RESF1: variants seen among roughly 807,000 people sequenced by gnomAD.
RESF1 encodes the protein retroelement silencing factor 1.
RESF1 carries 65 observed loss-of-function variants against 134.7 expected under a neutral mutation model. The ratio of observed to expected loss-of-function variants is 0.48; its 90% confidence interval spans 0.40 to 0.59. The LOEUF (loss-of-function observed/expected upper bound fraction) is 0.59, where lower values mean the gene tolerates loss of function less well. Ranked by LOEUF, RESF1 falls within the 20% of genes least tolerant of loss-of-function variation. RESF1 has a pLI of 0.00. For synonymous variants in RESF1, 762 were observed against 702.2 expected, an observed-to-expected ratio of 1.09 and a Z score of -1.35; for missense variants, 2,274 against 2,002.7, an observed-to-expected ratio of 1.14 and a Z score of -2.59.
Position 31,984,312 on chromosome 12 carries a change from T to C in RESF1, c.3357T>C (p.Pro1119=). The C allele has an allele frequency of 1.2e-6, 2 of 1,613,708 alleles. No homozygotes were observed. The highest frequency in any genetic ancestry group is 1.7e-6 in the Non-Finnish European group (2 of 1,179,886). The change falls in exon 4 of 6, where the codon CCT becomes CCC. Residue 1119 remains proline, a synonymous_variant. Coordinates refer to ENST00000312561, the MANE Select transcript of RESF1 (RefSeq NM_018169.4). Reference sequence around the variant, plus strand: ...CAGAGCAAATGAAAGAAATATTTCCTGAACAGGATGATCAACCCTATGTAG... The same window carrying C: ...CAGAGCAAATGAAAGAAATATTTCCCGAACAGGATGATCAACCCTATGTAG... The part of the protein sequence containing the change: ...LSSEQMKEIF[P]EQDDQPYVVD...
intron 3 of RESF1, among the ~76,000 whole-genome samples, chr12:31,973,619 C>G (rs1939562705): frequency 6.6e-6 from 1 of 151,952 alleles, no homozygotes; most frequent in Non-Finnish European, 1.5e-5. Flanking sequence ...TTAGGTCGTT[C>G]CGGAGTGCTT....
At chr12:31,991,702 A>G (rs1025910805) in intron 5 of RESF1, among the ~76,000 whole-genome samples, 1 of 152,128 alleles carries the variant, frequency 6.6e-6, no homozygotes, top group Non-Finnish European at 1.5e-5. Context: ...GCTCACTGCA[A>G]CCTCTGCCCA....
chr12:31,988,002 T>G (rs1419781925), intron 5 of RESF1, among the ~76,000 whole-genome samples: 1 of 152,200 alleles, frequency 6.6e-6, no homozygotes, highest in Admixed American at 6.5e-5. Flanking sequence ...CCCAAAGTGC[T>G]GGGATTACAG....
In RESF1 at chr12:31,985,292, C is replaced by T. The variant is rs766779126; in HGVS notation, c.4337C>T (p.Pro1446Leu). The T allele has an allele frequency of 5.0e-6, 8 of 1,613,082 alleles. No homozygotes were observed. The highest frequency in any genetic ancestry group is 3.3e-4 in the Middle Eastern group (2 of 6,060). Residue 1446 changes from proline to leucine, a missense_variant, in exon 4 of 6, where the codon CCT becomes CTT. By Grantham distance (98) the Pro-to-Leu change is moderately conservative. Transcript: ENST00000312561. ...TCTAAATTTAGTAGAATTCTAACTC[C>T]TAAGGAGTATTTACAAAGGCAGAAG... ...SSSKFSRILT[P>L]KEYLQRQKHK...
intron 5 of RESF1, among the ~76,000 whole-genome samples, chr12:31,990,741 A>G (rs911526184): frequency 6.6e-6 from 1 of 152,204 alleles, no homozygotes; most frequent in Non-Finnish European, 1.5e-5. Flanking sequence ...GCCCGGCCAC[A>G]TGGGCATTTT....
chr12:31,990,361 A>G (rs1189374537), intron 5 of RESF1, among the ~76,000 whole-genome samples: 1 of 152,248 alleles, frequency 6.6e-6, no homozygotes, highest in African/African-American at 2.4e-5. Flanking sequence ...TCATGGCACA[A>G]CAAGACGCAA....
intron 2 of RESF1, among the ~76,000 whole-genome samples, chr12:31,966,731 T>G (rs1939404980): frequency 6.6e-6 from 1 of 152,216 alleles, no homozygotes; most frequent in African/African-American, 2.4e-5. Context: ...ACAATAGGTG[T>G]GATCATCCTG....
intron 3 of RESF1, among the ~76,000 whole-genome samples, chr12:31,980,581 T>A (rs890609841): frequency 2.6e-5 from 4 of 152,218 alleles, no homozygotes; most frequent in Non-Finnish European, 5.9e-5. Flanking sequence ...GCAGTTAGCA[T>A]GGATTACTTA....
intron 2 of RESF1, among the ~76,000 whole-genome samples, chr12:31,965,324 G>A (rs1939374680): frequency 6.6e-6 from 1 of 152,134 alleles, no homozygotes; most frequent in Non-Finnish European, 1.5e-5. Context: ...GAAAATGAAA[G>A]TACCTCTGAT....
At chr12:31,970,830 C>A (rs60621438) in intron 3 of RESF1, among the ~76,000 whole-genome samples, 190 of 152,234 alleles carry the variant, frequency 1.2e-3, no homozygotes, top group African/African-American at 4.5e-3. Context: ...TATCCTCCAA[C>A]GAAAAAAGAC....
intron 2 of RESF1, among the ~76,000 whole-genome samples, chr12:31,962,889 G>C (rs1426176072): frequency 6.6e-6 from 1 of 150,954 alleles, no homozygotes; most frequent in Non-Finnish European, 1.5e-5. Flanking sequence ...CCTGAGGTCA[G>C]GAGTTGGAGA....
rs970871599 is a variant in RESF1, at chr12:31,964,169, GTAGGTTTGGGGGTACGTGTA to G, written c.-247+3304_-247+3323del. Among the ~76,000 whole-genome samples the G allele has an allele frequency of 9.2e-5, 14 of 151,890 alleles. 1 individual carries two copies. The South Asian group carries it at 2.7e-3, about 29-fold the overall frequency. On this transcript the variant is annotated intron_variant, in intron 2 of 5. Coordinates refer to ENST00000312561, the MANE Select transcript of RESF1 (RefSeq NM_018169.4). ...TTGTTTTATGTTTGGGGGTACGTGT[GTAGGTTTGGGGGTACGTGTA>G]TAGGTAAAGTTGTGTCATGGGGGTT...
In RESF1 at chr12:31,983,933, T is replaced by C. The variant is rs1301654994; in HGVS notation, c.2978T>C (p.Leu993Pro). 6.2e-7 allele frequency: 1 copy of C among 1,613,780 alleles called. No homozygotes were observed. ...FNNLETNRVI[L>P]EKSSLEHATE... ...AATCTTGAAACAAACAGAGTTATTC[T>C]AGAGAAAAGTAGTTTGGAGCATGCC... The change falls in exon 4 of 6, where the codon CTA becomes CCA. Residue 993 changes from leucine to proline, a missense_variant. Physicochemically the swap from Leu to Pro is moderately conservative, Grantham distance 98. Transcript: ENST00000312561.
At position 31,981,812 on chromosome 12, in the gene RESF1, A is replaced by T; in HGVS notation, c.857A>T (p.Tyr286Phe). ...CCTCCTCCTCCTTACAACTGTAGAT[A>T]TGGAAGCCAGCCTTTGCAAAGTACT... is the stretch of plus-strand genomic sequence containing the variant. ...RPPPPPYNCRYGSQPLQSTQH... is the reference protein window; with the variant it reads ...RPPPPPYNCRFGSQPLQSTQH... The change falls in exon 4 of 6, where the codon TAT (tyrosine) becomes TTT (phenylalanine). Residue 286 changes from tyrosine (Y) to phenylalanine (F), a missense_variant. Transcript: ENST00000312561. The T allele has an allele frequency of 6.2e-7, 1 of 1,614,068 alleles. No individual in the cohort carries two copies. Among genetic ancestry groups the T allele is most frequent in the Non-Finnish European group, 8.5e-7 (1 of 1,180,044 alleles).
intron 3 of RESF1, among the ~76,000 whole-genome samples, chr12:31,972,262 G>T (rs55665510): frequency 6.6e-6 from 1 of 151,838 alleles, no homozygotes; most frequent in Non-Finnish European, 1.5e-5. Context: ...CAGCTGGTCG[G>T]TCGGAAGCAC....
intron 4 of RESF1, 32 bp downstream of exon 4, chr12:31,985,989 ATAT>A (rs1450797184): frequency 7.7e-6 from 11 of 1,424,014 alleles, no homozygotes; most frequent in Non-Finnish European, 1.0e-5. Context: ...GGTGTCTACA[ATAT>A]TGTAAAGAGT....
intron 5 of RESF1, among the ~76,000 whole-genome samples, chr12:31,989,830 C>T (rs149177552): frequency 6.6e-6 from 1 of 151,786 alleles, no homozygotes; most frequent in Non-Finnish European, 1.5e-5. Context: ...CCAGCTTGGG[C>T]GACAGAGCAA....
intron 3 of RESF1, among the ~76,000 whole-genome samples, chr12:31,976,189 CA>C (rs1458952072): frequency 1.3e-5 from 2 of 151,976 alleles, no homozygotes; most frequent in African/African-American, 4.8e-5. Context: ...TAGCACTTAC[CA>C]AAAATTTTGC....
rs1400976670 is a variant in RESF1 at position 31,992,731 on chromosome 12, T to C, written c.*196T>C. On this transcript the variant is annotated 3_prime_UTR_variant, in exon 6 of 6. Coordinates refer to ENST00000312561, the MANE Select transcript of RESF1 (RefSeq NM_018169.4). ...GTAGCCATGTGTAAGAAATGGATGG[T>C]ATTCACCGGGGAAACAAGGTATTTG... 4 of 585,060 alleles carry C rather than the reference T, an allele frequency of 6.8e-6. No individual in the cohort carries two copies. In the African/African-American group the frequency reaches 7.5e-5, roughly 11 times the overall value. 36.2% of individuals were successfully genotyped at this position (585,060 alleles called of 1,614,324 possible). A position where few individuals can be genotyped will look rare whatever the true frequency, so the allele number is the denominator to read the frequency against.
Sources: allele counts gnomAD v4.1 joint callset (sites outside exome capture counted in the v4.1 genomes callset), GRCh38; gene constraint gnomAD v4.1.1; transcripts MANE v1.5; gene names NCBI Gene and HGNC (gene_info 2026-07-23, HGNC 2026-07-21).